Variants in ST18 observed in about 807,000 individuals in gnomAD.
ST18 encodes the protein suppression of tumorigenicity 18 protein.
ST18 carries 50 observed loss-of-function variants against 110.0 expected under a neutral mutation model. The ratio of observed to expected loss-of-function variants is 0.45; its 90% CI spans 0.36 to 0.58. The LOEUF (loss-of-function observed/expected upper bound fraction) is 0.58, where lower values mean the gene tolerates loss of function less well. Among genes scored for constraint, ST18 ranks in the 20% least tolerant of loss-of-function variants. The pLI, the probability that ST18 is intolerant of heterozygous loss-of-function variation, is 0.00. For synonymous variants in ST18, 461 were observed against 452.4 expected, an observed-to-expected ratio of 1.02 and a Z score of -0.24; for missense variants, 1,306 against 1,280.1, an observed-to-expected ratio of 1.02 and a Z score of -0.31.
intron 2 of ST18, among the ~76,000 whole-genome samples, chr8:52,384,448 A>G (rs2140889565): frequency 6.6e-6 from 1 of 151,848 alleles, no homozygotes; most frequent in South Asian, 2.1e-4. Flanking sequence ...CACTTCACTC[A>G]TCCTCTCCAT....
At chr8:52,376,164 C>T (rs1266642009) in intron 2 of ST18, among the ~76,000 whole-genome samples, 3 of 152,184 alleles carry the variant, frequency 2.0e-5, no homozygotes, top group Non-Finnish European at 2.9e-5. Flanking sequence ...CAAAATTCAT[C>T]TGCTCAAAAC....
intron 2 of ST18, among the ~76,000 whole-genome samples, chr8:52,302,156 C>T (rs763800062): frequency 7.9e-5 from 12 of 152,120 alleles, no homozygotes; most frequent in South Asian, 2.1e-4. Flanking sequence ...GGAGAGTGGA[C>T]GCAGTGGCAG....
intron 2 of ST18, among the ~76,000 whole-genome samples, chr8:52,316,760 C>T (rs1377318737): frequency 6.6e-6 from 1 of 152,178 alleles, no homozygotes; most frequent in East Asian, 1.9e-4. Context: ...GACTTTCTAG[C>T]TCAGTGGTCA....
chr8:52,367,624 A>G (rs529198585), intron 2 of ST18, among the ~76,000 whole-genome samples: 4 of 152,304 alleles, frequency 2.6e-5, no homozygotes, highest in Non-Finnish European at 5.9e-5. Flanking sequence ...ACGAATTACA[A>G]TAGCCCCAAA....
chr8:52,184,369 A>C (rs570530057), intron 8 of ST18, among the ~76,000 whole-genome samples: 2 of 152,136 alleles, frequency 1.3e-5, no homozygotes, highest in South Asian at 4.2e-4. Context: ...ATACTTTTCA[A>C]GTTTTGACTG....
intron 10 of ST18, among the ~76,000 whole-genome samples, chr8:52,169,704 C>A (rs187160974): frequency 6.6e-6 from 1 of 152,238 alleles, no homozygotes; most frequent in African/African-American, 2.4e-5. Context: ...ACATCGGGAA[C>A]AAGGAATAGG....
intron 2 of ST18, among the ~76,000 whole-genome samples, chr8:52,335,141 G>T (rs568420055): frequency 6.6e-6 from 1 of 151,952 alleles, no homozygotes; most frequent in South Asian, 2.1e-4. Flanking sequence ...GCTATCTTAT[G>T]ACTTCAGACA....
At chr8:52,215,940 G>A (rs895927895) in intron 6 of ST18, among the ~76,000 whole-genome samples, 1 of 152,208 alleles carries the variant, frequency 6.6e-6, no homozygotes, top group Non-Finnish European at 1.5e-5. Flanking sequence ...GCATGTGAGG[G>A]TGAAAATGAT....
intron 2 of ST18, among the ~76,000 whole-genome samples, chr8:52,367,347 GGGAGGC>G (rs1828493539): frequency 2.6e-5 from 4 of 151,512 alleles, no homozygotes; most frequent in Non-Finnish European, 4.4e-5. Context: ...GCTTGAACCC[GGGAGGC>G]GGAGGTTGCA....
chr8:52,261,404 C>A (rs920704663), intron 2 of ST18, among the ~76,000 whole-genome samples: 1 of 152,196 alleles, frequency 6.6e-6, no homozygotes, highest in Non-Finnish European at 1.5e-5. Context: ...AGCTTTCAAT[C>A]CTATGGAAAT....
intron 16 of ST18, among the ~76,000 whole-genome samples, chr8:52,146,170 C>A (rs989100886): frequency 6.6e-6 from 1 of 152,068 alleles, no homozygotes; most frequent in Non-Finnish European, 1.5e-5. Context: ...CAAATGTGAA[C>A]AATAGATTGT....
chr8:52,169,545 T>G (rs1257226456), intron 10 of ST18, among the ~76,000 whole-genome samples: 1 of 152,236 alleles, frequency 6.6e-6, no homozygotes, highest in South Asian at 2.1e-4. Flanking sequence ...AGTTTTCTCC[T>G]TAACAGTGAA....
rs1000398100 is a variant in ST18, at chr8:52,283,744, C to T, written c.-464-53667G>A. 3.3e-5 allele frequency among the ~76,000 whole-genome samples: 5 copies of T among 152,064 alleles called. No homozygotes were observed. In the East Asian group the frequency reaches 9.7e-4, roughly 29 times the overall value. On this transcript the variant is annotated intron_variant, in intron 2 of 25. Coordinates refer to ENST00000689386, the MANE Select transcript of ST18 (RefSeq NM_001352837.2). ...TTGAGAGGAGTACTGACAGTTCTGG[C>T]AGTAAAGTGAACTGTACGTCACATC... is the stretch of plus-strand genomic sequence containing the variant.
At position 52,180,169 on chromosome 8, in the gene ST18, C is replaced by T. The variant is rs2068787659; in HGVS notation, c.230G>A (p.Arg77Lys). 5 of 1,614,146 alleles carry T rather than the reference C, an allele frequency of 3.1e-6. No homozygotes were observed. The highest frequency in any genetic ancestry group is 1.6e-4 in the Middle Eastern group (1 of 6,062). Residue 77 changes from arginine to lysine, a missense_variant, in exon 9 of 26, where the codon AGG becomes AAG. Physicochemically the swap from Arg to Lys is conservative, Grantham distance 26 (BLOSUM62 2). Transcript: ENST00000689386. ...TTCCAAGGGGCCATCGTCCTCTGTC[C>T]TGTCACTGCGGTCTTCTTGGCAGTC... ...KADCQEDRSD[R>K]TEDDGPLETH...
At chr8:52,213,089 A>C (rs1430272235) in intron 7 of ST18, among the ~76,000 whole-genome samples, 1 of 152,222 alleles carries the variant, frequency 6.6e-6, no homozygotes, top group African/African-American at 2.4e-5. Flanking sequence ...ATATTAGGAT[A>C]TATAACATGG....
chr8:52,393,867 A>G (rs1266157543), intron 2 of ST18: 1 of 144,614 alleles, frequency 6.9e-6, no homozygotes, highest in East Asian at 2.1e-4. Context: ...GGGCGACAAG[A>G]GCGGAACTCC....
intron 17 of ST18, among the ~76,000 whole-genome samples, chr8:52,138,015 G>T (rs1040018810): frequency 2.7e-5 from 4 of 150,862 alleles, no homozygotes; most frequent in African/African-American, 9.8e-5. Context: ...CAGGAGAATC[G>T]GCTGAACTCA....
At chr8:52,199,146 C>T (rs1160133428) in intron 8 of ST18, 2 of 148,990 alleles carry the variant, frequency 1.3e-5, no homozygotes, top group African/African-American at 2.5e-5. Flanking sequence ...TATTCTCATT[C>T]AGGTTATTAT....
At chr8:52,160,437 A>T (rs1430427879) in intron 14 of ST18, among the ~76,000 whole-genome samples, 1 of 152,236 alleles carries the variant, frequency 6.6e-6, no homozygotes, top group Admixed American at 6.5e-5. Flanking sequence ...AGAATTCATC[A>T]GCATCACATA....
Sources: gnomAD v4.1 joint callset for allele counts (sites outside exome capture counted in the v4.1 genomes callset) on GRCh38, gnomAD v4.1.1 for gene constraint, MANE v1.5 for transcripts, NCBI Gene and HGNC (gene_info 2026-07-23, HGNC 2026-07-21) for gene names.